RAI1: variants seen among roughly 807,000 people sequenced by gnomAD.
The protein encoded by RAI1 is retinoic acid induced 1.
A neutral mutation model predicts 123.8 loss-of-function variants in RAI1; 9 were observed. The observed-to-expected ratio is 0.07, with a 90% CI of 0.04 to 0.13. The LOEUF (loss-of-function observed/expected upper bound fraction) is 0.13, where lower values mean the gene tolerates loss of function less well. Among genes scored for constraint, RAI1 ranks in the 10% least tolerant of loss-of-function variants. RAI1 has a pLI of 1.00. For missense variants in RAI1, 2,256 were observed against 2,545.8 expected (o/e 0.89, Z 2.45); for synonymous variants, 1,231 against 1,127.3 (o/e 1.09, Z -1.84).
In RAI1 at chr17:17,797,054, A is replaced by G. The variant is rs747684658; in HGVS notation, c.4106A>G (p.Lys1369Arg). The G allele has an allele frequency of 6.2e-7, 1 of 1,613,944 alleles. No homozygotes were observed. The highest frequency in any genetic ancestry group is 1.1e-5 in the South Asian group (1 of 91,086). The change falls in exon 3 of 6, where the codon AAG (lysine) becomes AGG (arginine). Residue 1369 changes from lysine to arginine, a missense_variant. This residue lies in a region of RAI1 where 322 missense variants were observed against 358.0 expected (regional missense o/e 0.90). Transcript: ENST00000353383. ...CTTTCCGACAAAGACCGTGGGCTCA[A>G]GGGTGCTGGGGGCAGCCCAGTGGGG... ...PSLSDKDRGLKGAGGSPVGVE... is the reference protein window; with the variant it reads ...PSLSDKDRGLRGAGGSPVGVE...
chr17:17,710,657 G>T (rs1915538259), intron 1 of RAI1, among the ~76,000 whole-genome samples: 1 of 152,210 alleles, frequency 6.6e-6, no homozygotes, highest in Non-Finnish European at 1.5e-5. Flanking sequence ...GCCCCTTGTG[G>T]CTACCCAAGG....
chr17:17,694,601 G>A (rs1914948462), intron 1 of RAI1, among the ~76,000 whole-genome samples: 1 of 151,406 alleles, frequency 6.6e-6, no homozygotes, highest in African/African-American at 2.4e-5. Flanking sequence ...AAATGCCCGC[G>A]CTTCCTGCCG....
In RAI1 at chr17:17,801,564, C is replaced by A. The variant is rs1183667600; in HGVS notation, c.5566-2192C>A. On this transcript the variant is annotated intron_variant, in intron 3 of 5. Coordinates refer to ENST00000353383, the MANE Select transcript of RAI1 (RefSeq NM_030665.4). This position sits in a 1 kb window ranked among gnomAD's most constrained non-coding sequence, Gnocchi z 4.1. ...AGCAGCCGGCTTGTGTTTCGTCATC[C>A]CTTTTGGGTCAGGAACTGGGGACGC... 1.3e-5 allele frequency among the ~76,000 whole-genome samples: 2 copies of A among 152,224 alleles called. No individual in the cohort carries two copies. The highest frequency in any genetic ancestry group is 4.8e-5 in the African/African-American group (2 of 41,444).
At position 17,810,261 on chromosome 17, in the gene RAI1, G is replaced by T. The variant is rs1745542009; in HGVS notation, c.*280G>T. The T allele has an allele frequency of 4.0e-6, 2 of 505,290 alleles. No homozygotes were observed. Among genetic ancestry groups the T allele is most frequent in the South Asian group, 3.0e-5 (1 of 33,262 alleles). 31.3% of individuals were successfully genotyped at this position (505,290 alleles called of 1,614,324 possible). On this transcript the variant is annotated 3_prime_UTR_variant, in exon 6 of 6. Transcript: ENST00000353383. The surrounding 1 kb of genome is among the most constrained non-coding windows in gnomAD (Gnocchi z 4.6). ...CAGGGGCCAGGCTTGCGGAGGGGGA[G>T]CCCGCGGAGCGGCCAGACTCCCCGG...
chr17:17,732,638 CA>C (rs1255384822), intron 2 of RAI1, among the ~76,000 whole-genome samples: 1 of 152,210 alleles, frequency 6.6e-6, no homozygotes, highest in African/African-American at 2.4e-5. Flanking sequence ...CTCCTTTCAT[CA>C]CCTGCCGGAG....
chr17:17,790,084 A>G (rs1272483810), intron 2 of RAI1, among the ~76,000 whole-genome samples: 2 of 152,010 alleles, frequency 1.3e-5, no homozygotes, highest in Admixed American at 6.5e-5. Flanking sequence ...GCCCAGCCCA[A>G]CCCAACCCAG....
intron 4 of RAI1, among the ~76,000 whole-genome samples, chr17:17,805,357 C>T (rs2032576160): frequency 6.6e-6 from 1 of 151,960 alleles, no homozygotes; most frequent in African/African-American, 2.4e-5. Context: ...TCTCCCCACA[C>T]GGTGCTGCCT....
In RAI1 at chr17:17,797,458, C is replaced by T; in HGVS notation, c.4510C>T (p.Leu1504=). ...GGGKKPKMEE[L]GLASQPPEGR... ...AGGCAAGAAGCCAAAGATGGAGGAG[C>T]TGGGCCTGGCCTCCCAGCCCCCGGA... The change falls in exon 3 of 6, where the codon CTG becomes TTG. Residue 1504 remains leucine, a synonymous_variant. Transcript: ENST00000353383. 5 of 1,613,410 alleles carry T rather than the reference C, an allele frequency of 3.1e-6. No individual in the cohort carries two copies. The highest frequency in any genetic ancestry group is 2.2e-5 in the South Asian group (2 of 91,080).
At chr17:17,747,423 T>C (rs2029968532) in intron 2 of RAI1, among the ~76,000 whole-genome samples, 1 of 152,100 alleles carries the variant, frequency 6.6e-6, no homozygotes, top group African/African-American at 2.4e-5. Context: ...CTGCAATTAG[T>C]GGCAGCCTGG....
intron 2 of RAI1, among the ~76,000 whole-genome samples, chr17:17,757,584 G>A (rs879684013): frequency 2.6e-5 from 4 of 151,972 alleles, no homozygotes; most frequent in South Asian, 4.2e-4. Context: ...CTGCCCAGCC[G>A]TGGCTGCCGC....
chr17:17,689,006 A>G (rs1914749143), intron 1 of RAI1, among the ~76,000 whole-genome samples: 3 of 150,180 alleles, frequency 2.0e-5, no homozygotes, highest in Non-Finnish European at 4.4e-5. Flanking sequence ...CCCAGACTGG[A>G]GTGCAGTGGC....
intron 2 of RAI1, among the ~76,000 whole-genome samples, chr17:17,767,837 T>C (rs2030999913): frequency 6.6e-6 from 1 of 152,216 alleles, no homozygotes; most frequent in African/African-American, 2.4e-5. Flanking sequence ...TGGTGATGTT[T>C]GTGGCAGGGT....
intron 2 of RAI1, among the ~76,000 whole-genome samples, chr17:17,746,605 ATG>A: frequency 7.0e-6 from 1 of 142,558 alleles, no homozygotes; most frequent in East Asian, 2.0e-4. Context: ...AGAGCACCAT[ATG>A]TGTTTTCTTT....
intron 2 of RAI1, among the ~76,000 whole-genome samples, chr17:17,757,792 T>G (rs1812452389): frequency 6.6e-6 from 1 of 152,188 alleles, no homozygotes; most frequent in African/African-American, 2.4e-5. Context: ...GGAGAAGCAG[T>G]AATCCATCAA....
At chr17:17,726,044 C>CAGA (rs1916078897) in intron 2 of RAI1, among the ~76,000 whole-genome samples, 1 of 152,140 alleles carries the variant, frequency 6.6e-6, no homozygotes, top group Non-Finnish European at 1.5e-5. Context: ...CCCTGGACTC[C>CAGA]CCCTTCAAAG....
At chr17:17,703,028 G>A (rs180920830) in intron 1 of RAI1, among the ~76,000 whole-genome samples, 3 of 152,352 alleles carry the variant, frequency 2.0e-5, no homozygotes, top group East Asian at 1.9e-4. Context: ...TGTACTTTAC[G>A]TGTAGTAAGT....
At chr17:17,805,306 G>A (rs575154275) in intron 4 of RAI1, among the ~76,000 whole-genome samples, 1 of 152,048 alleles carries the variant, frequency 6.6e-6, no homozygotes, top group Non-Finnish European at 1.5e-5. Context: ...CTACCCACAC[G>A]GTGCTGCCTC....
intron 2 of RAI1, among the ~76,000 whole-genome samples, chr17:17,763,528 A>T (rs2030794003): frequency 6.6e-6 from 1 of 152,232 alleles, no homozygotes; most frequent in South Asian, 2.1e-4. Context: ...AGACGGGGCC[A>T]GCCCACTCTG....
intron 2 of RAI1, among the ~76,000 whole-genome samples, chr17:17,763,919 C>G (rs986830134): frequency 1.3e-5 from 2 of 152,216 alleles, no homozygotes; most frequent in African/African-American, 4.8e-5. Context: ...CCTGGGCAGA[C>G]AGAACAACAG....
Sources: gnomAD v4.1 joint callset for allele counts (sites outside exome capture counted in the v4.1 genomes callset) on GRCh38, gnomAD v4.1.1 for gene constraint, gnomAD v4.1.1 regional missense constraint, Gnocchi (gnomAD v3.1) non-coding constraint, MANE v1.5 for transcripts, NCBI Gene and HGNC (gene_info 2026-07-23, HGNC 2026-07-21) for gene names.